Variants in ILRUN observed in about 807,000 individuals in gnomAD.
ILRUN encodes protein ILRUN.
Under a neutral mutation model 33.8 loss-of-function variants are expected in ILRUN, and 3 were observed. The observed-to-expected ratio is 0.09, with a 90% CI of 0.04 to 0.23. ILRUN has a LOEUF of 0.23. ILRUN is among the 10% of genes least tolerant of loss of function. The pLI is 1.00. For missense variants in ILRUN, 210 were observed against 375.1 expected (o/e 0.56, Z 3.64); for synonymous variants, 124 against 138.9 (o/e 0.89, Z 0.75).
intron 3 of ILRUN, among the ~76,000 whole-genome samples, chr6:34,630,203 T>A (rs1297251825): frequency 2.6e-5 from 4 of 152,132 alleles, no homozygotes; most frequent in Non-Finnish European, 4.4e-5. Flanking sequence ...ATGATTCATA[T>A]CCTGGGCAAG....
chr6:34,690,000 A>G (rs1220723944), intron 1 of ILRUN, among the ~76,000 whole-genome samples: 1 of 152,060 alleles, frequency 6.6e-6, no homozygotes. Context: ...AACATTGTCT[A>G]TATGCTATTA....
intron 1 of ILRUN, among the ~76,000 whole-genome samples, chr6:34,658,344 T>C (rs1216203885): frequency 3.0e-5 from 4 of 135,492 alleles, no homozygotes; most frequent in African/African-American, 1.2e-4. Context: ...TGAGACTCTG[T>C]CTCAAAAAAA....
At chr6:34,686,364 G>A (rs1484277693) in intron 1 of ILRUN, among the ~76,000 whole-genome samples, 1 of 151,838 alleles carries the variant, frequency 6.6e-6, no homozygotes, top group Non-Finnish European at 1.5e-5. Context: ...GCCGGGCGTG[G>A]TGGCGGGCGC....
In ILRUN at chr6:34,685,067, T is replaced by C. The variant is rs921836729; in HGVS notation, c.158+11379A>G. Among the ~76,000 whole-genome samples the C allele has an allele frequency of 3.5e-4, 53 of 152,150 alleles. 1 individual carries two copies. The highest frequency in any genetic ancestry group is 1.4e-4 in the African/African-American group (6 of 41,434). On this transcript the variant is annotated intron_variant, in intron 1 of 4. Transcript: ENST00000374023. ...AGAAAGCCACTTGTAGAAAACCGAT[T>C]TGGACTATGCCTATGTTACTCTGTT...
chr6:34,673,904 T>TAC (rs370280008), intron 1 of ILRUN, among the ~76,000 whole-genome samples: 10,463 of 112,932 alleles, frequency 0.093, 985 homozygotes, highest in East Asian at 0.26. Flanking sequence ...AACAACCACA[T>TAC]ACACACACAC....
chr6:34,628,175 T>C (rs189602707), intron 3 of ILRUN, among the ~76,000 whole-genome samples: 34 of 149,866 alleles, frequency 2.3e-4, no homozygotes, highest in African/African-American at 8.4e-4. Context: ...CACACACCAC[T>C]GTGCCCCGCT....
intron 1 of ILRUN, among the ~76,000 whole-genome samples, chr6:34,692,838 C>T (rs989093551): frequency 2.6e-5 from 4 of 151,984 alleles, no homozygotes; most frequent in African/African-American, 7.3e-5. Context: ...ATGAGACGTG[C>T]CAACCTTGAA....
intron 1 of ILRUN, among the ~76,000 whole-genome samples, chr6:34,657,935 A>G (rs1582085770): frequency 6.6e-6 from 1 of 152,374 alleles, no homozygotes; most frequent in Non-Finnish European, 1.5e-5. Context: ...TGAAAGTTTA[A>G]ACCTCCAGAT....
At chr6:34,687,553 C>T (rs2127389114) in intron 1 of ILRUN, among the ~76,000 whole-genome samples, 1 of 151,722 alleles carries the variant, frequency 6.6e-6, no homozygotes, top group African/African-American at 2.4e-5. Context: ...AAAAAATTAG[C>T]AGGGCGTGGT....
At chr6:34,687,646 C>A (rs942407930) in intron 1 of ILRUN, among the ~76,000 whole-genome samples, 1 of 147,892 alleles carries the variant, frequency 6.8e-6, no homozygotes, top group Admixed American at 6.7e-5. Flanking sequence ...TGCAGTGAGC[C>A]GAGATTGCAC....
chr6:34,678,836 C>CAAA (rs767799882), intron 1 of ILRUN, among the ~76,000 whole-genome samples: 5,753 of 47,674 alleles, frequency 0.12, 537 homozygotes, highest in African/African-American at 0.23. Flanking sequence ...GACTCCGTCT[C>CAAA]AAAAAAAAAA....
chr6:34,692,098 G>A (rs182686739), intron 1 of ILRUN, among the ~76,000 whole-genome samples: 1 of 152,122 alleles, frequency 6.6e-6, no homozygotes. Context: ...CACTTAGCTG[G>A]GACTACAGGT....
At chr6:34,599,410 A>G (rs925086686) in intron 4 of ILRUN, among the ~76,000 whole-genome samples, 2 of 152,194 alleles carry the variant, frequency 1.3e-5, no homozygotes, top group Non-Finnish European at 2.9e-5. Context: ...TTGCCCCCCA[A>G]GAGACATCTG....
At chr6:34,639,524 C>G (rs1762428540) in intron 3 of ILRUN, among the ~76,000 whole-genome samples, 1 of 152,170 alleles carries the variant, frequency 6.6e-6, no homozygotes, top group Admixed American at 6.5e-5. Flanking sequence ...TACCCTTTGC[C>G]CAGAGTCCAA....
intron 1 of ILRUN, among the ~76,000 whole-genome samples, chr6:34,683,505 T>TATAC (rs1562033306): frequency 1.1e-4 from 11 of 101,514 alleles, no homozygotes; most frequent in African/African-American, 5.8e-4. Flanking sequence ...TATACATATA[T>TATAC]ATATATATAC....
intron 3 of ILRUN, among the ~76,000 whole-genome samples, chr6:34,615,227 CTAAT>C (rs150915756): frequency 1.4e-3 from 210 of 152,222 alleles, no homozygotes; most frequent in Non-Finnish European, 2.1e-3. Flanking sequence ...TTCTGTAAAC[CTAAT>C]TATTACAAAA....
chr6:34,686,170 A>C (rs375766998), intron 1 of ILRUN, among the ~76,000 whole-genome samples: 18 of 152,198 alleles, frequency 1.2e-4, no homozygotes, highest in African/African-American at 4.1e-4. Context: ...AGTGCAATTT[A>C]TATACCCAAT....
intron 3 of ILRUN, among the ~76,000 whole-genome samples, chr6:34,644,592 C>T (rs1486609909): frequency 6.6e-6 from 1 of 152,166 alleles, no homozygotes; most frequent in African/African-American, 2.4e-5. Flanking sequence ...AACCTCTCTA[C>T]ATTTTGATAC....
chr6:34,611,005 G>GT (rs1432464907), intron 3 of ILRUN, among the ~76,000 whole-genome samples: 1 of 151,604 alleles, frequency 6.6e-6, no homozygotes, highest in Non-Finnish European at 1.5e-5. Context: ...GAGCCCAGGA[G>GT]TTTGAGACCA....
Sources: gnomAD v4.1 joint callset for allele counts (sites outside exome capture counted in the v4.1 genomes callset) on GRCh38, gnomAD v4.1.1 for gene constraint, MANE v1.5 for transcripts, NCBI Gene and HGNC (gene_info 2026-07-23, HGNC 2026-07-21) for gene names.